ARMC8: variants seen among roughly 807,000 people sequenced by gnomAD.
ARMC8 encodes armadillo repeat-containing protein 8.
A neutral mutation model predicts 99.3 loss-of-function variants in ARMC8; 20 were observed. That is an observed-to-expected ratio of 0.20 (90% CI 0.14 to 0.29). The LOEUF (loss-of-function observed/expected upper bound fraction) is 0.29. Ranked by LOEUF, ARMC8 falls within the 10% of genes least tolerant of loss-of-function variation. ARMC8 has a pLI of 1.00. For missense variants in ARMC8, 569 were observed against 809.5 expected, an observed-to-expected ratio of 0.70 and a Z score of 3.60; for synonymous variants, 263 against 278.3, an observed-to-expected ratio of 0.95 and a Z score of 0.55.
At chr3:138,237,180 A>C in intron 7 of ARMC8, 129 bp from the exon 8 acceptor site, 8 of 738,744 alleles carry the variant, frequency 1.1e-5, no homozygotes, top group Non-Finnish European at 1.8e-5. Flanking sequence ...TGTTATTGTT[A>C]TTTCTTTGAG....
chr3:138,276,916 A>G (rs1275077293), intron 18 of ARMC8, among the ~76,000 whole-genome samples: 1 of 152,258 alleles, frequency 6.6e-6, no homozygotes, highest in East Asian at 1.9e-4. Flanking sequence ...CTTTACATAT[A>G]GATTTTAAAA....
intron 19 of ARMC8, among the ~76,000 whole-genome samples, chr3:138,286,344 T>C (rs1179005567): frequency 2.0e-5 from 3 of 152,184 alleles, no homozygotes; most frequent in Non-Finnish European, 2.9e-5. Flanking sequence ...TCTACCCCCA[T>C]CATTCAACTG....
intron 1 of ARMC8, among the ~76,000 whole-genome samples, chr3:138,199,002 T>A (rs1280586940): frequency 6.6e-6 from 1 of 152,160 alleles, no homozygotes; most frequent in Admixed American, 6.5e-5. Flanking sequence ...TTTGTGAAAT[T>A]AAAGTAGATT....
intron 14 of ARMC8, among the ~76,000 whole-genome samples, chr3:138,264,990 C>T (rs2048137616): frequency 6.6e-6 from 1 of 151,990 alleles, no homozygotes; most frequent in East Asian, 1.9e-4. Context: ...CTTGTGCCCC[C>T]CGGCCCAAGT....
intron 2 of ARMC8, among the ~76,000 whole-genome samples, chr3:138,210,976 C>CA (rs2044663462): frequency 6.6e-6 from 1 of 151,154 alleles, no homozygotes; most frequent in Non-Finnish European, 1.5e-5. Flanking sequence ...TCTCAGTTTA[C>CA]AAAAAACGGT....
chr3:138,219,405 C>T (rs542817362), intron 2 of ARMC8, among the ~76,000 whole-genome samples: 2 of 152,232 alleles, frequency 1.3e-5, no homozygotes, highest in East Asian at 3.9e-4. Flanking sequence ...AAGTGATGAC[C>T]TGGGGGTTTC....
chr3:138,269,622 T>C (rs886196550), intron 15 of ARMC8, among the ~76,000 whole-genome samples: 1 of 152,228 alleles, frequency 6.6e-6, no homozygotes, highest in Middle Eastern at 3.4e-3. Context: ...TATTACTTCA[T>C]AGAGTTCGTA....
Position 138,262,329 on chromosome 3 carries a change from C to A in ARMC8, c.1135-1410C>A, listed in dbSNP as rs574465240. ...GTTTGGTCTAGGGCGAGGAGTAGAT[C>A]AATATGTAAATGTTTTGGAAACTAA... On this transcript the variant is annotated intron_variant, in intron 12 of 21. Coordinates refer to ENST00000469044, the MANE Select transcript of ARMC8 (RefSeq NM_001363941.2). 40 of 573,588 alleles carry A rather than the reference C, an allele frequency of 7.0e-5. No individual in the cohort carries two copies. The Middle Eastern group carries it at 1.9e-3, about 27-fold the overall frequency. The allele number at this position is 573,588 out of a possible 1,614,324, so 35.5% of individuals were successfully genotyped here. A position where few individuals can be genotyped will look rare whatever the true frequency, so the allele number is the denominator to read the frequency against.
At chr3:138,239,638 A>C (rs2046509528) in intron 10 of ARMC8, 110 bp downstream of exon 10, 1 of 583,496 alleles carries the variant, frequency 1.7e-6, no homozygotes, top group Non-Finnish European at 2.9e-6. Context: ...ATATATGTGC[A>C]TGGCGTAGAA....
intron 10 of ARMC8, among the ~76,000 whole-genome samples, chr3:138,240,169 A>G (rs1408395364): frequency 6.6e-6 from 1 of 152,238 alleles, no homozygotes. Context: ...ATCTATGCAC[A>G]GGGTTATTGT....
chr3:138,219,292 A>G (rs1327535252), intron 2 of ARMC8, among the ~76,000 whole-genome samples: 1 of 152,250 alleles, frequency 6.6e-6, no homozygotes, highest in African/African-American at 2.4e-5. Flanking sequence ...ATGGATATCT[A>G]GAATCACTAT....
chr3:138,292,364 C>G (rs1401029775), intron 21 of ARMC8, among the ~76,000 whole-genome samples: 1 of 152,170 alleles, frequency 6.6e-6, no homozygotes, highest in African/African-American at 2.4e-5. Context: ...TAAAAGATCA[C>G]TCTGGTGACT....
intron 6 of ARMC8, among the ~76,000 whole-genome samples, chr3:138,233,998 C>T (rs1379676649): frequency 6.6e-6 from 1 of 152,138 alleles, no homozygotes; most frequent in African/African-American, 2.4e-5. Context: ...CACTTTGAAG[C>T]TCTTTAGTAC....
rs528335239 is a variant in ARMC8, at chr3:138,214,151, G to C, written c.122+4258G>C. On this transcript the variant is annotated intron_variant, in intron 2 of 21. Coordinates refer to ENST00000469044, the MANE Select transcript of ARMC8 (RefSeq NM_001363941.2). ...TGCGTCACAGAGTTGTTTTTGTTTT[G>C]TTTTGTTTAAAAAAAAAAAAAAAGG... 6.6e-3 allele frequency among the ~76,000 whole-genome samples: 867 copies of C among 132,300 alleles called. 6 individuals are homozygous for C. Among genetic ancestry groups the C allele is most frequent in the African/African-American group, 0.024 (832 of 34,532 alleles). The allele number at this position is 132,300 out of a possible 152,430, so 86.8% of individuals were successfully genotyped here. A position where few individuals can be genotyped will look rare whatever the true frequency, so the allele number is the denominator to read the frequency against.
intron 20 of ARMC8, 151 bp from the exon 21 acceptor site, chr3:138,290,395 G>GGGTCCA: frequency 1.7e-6 from 1 of 602,092 alleles, no homozygotes; most frequent in Non-Finnish European, 2.9e-6. Context: ...AAGCATGAGC[G>GGGTCCA]GGTCCAACTA....
chr3:138,294,302 T>C (rs751771071), intron 21 of ARMC8, among the ~76,000 whole-genome samples: 8 of 152,210 alleles, frequency 5.3e-5, no homozygotes, highest in Non-Finnish European at 8.8e-5. Flanking sequence ...CCACCCAGGC[T>C]TGGAGGGCTT....
chr3:138,209,397 T>A (rs566979738), intron 1 of ARMC8, among the ~76,000 whole-genome samples: 11 of 152,342 alleles, frequency 7.2e-5, no homozygotes, highest in South Asian at 6.2e-4. Context: ...TTTTTCAGAC[T>A]AATGTAATAA....
chr3:138,244,962 T>C, intron 11 of ARMC8, 126 bp from the exon 12 acceptor site: 1 of 1,131,200 alleles, frequency 8.8e-7, no homozygotes, highest in Admixed American at 2.6e-5. Flanking sequence ...CTGGGAAATG[T>C]AGTTAATGAC....
intron 12 of ARMC8, chr3:138,262,613 A>C: frequency 6.7e-7 from 1 of 1,497,218 alleles, no homozygotes; most frequent in East Asian, 2.4e-5. Context: ...AAAAAAAAAA[A>C]TTTAGGTGCC....
Sources: gnomAD v4.1 joint callset for allele counts (sites outside exome capture counted in the v4.1 genomes callset) on GRCh38, gnomAD v4.1.1 for gene constraint, MANE v1.5 for transcripts, NCBI Gene and HGNC (gene_info 2026-07-23, HGNC 2026-07-21) for gene names.